The following GALNT2 variants were observed in gnomAD, a reference collection of about 807,000 sequenced individuals.
GALNT2 encodes the protein polypeptide N-acetylgalactosaminyltransferase 2.
GALNT2 carries 31 observed loss-of-function variants against 81.4 expected under a neutral mutation model. The ratio of observed to expected loss-of-function variants is 0.38; its 90% CI spans 0.29 to 0.51. The LOEUF (loss-of-function observed/expected upper bound fraction) is 0.51, where lower values mean the gene tolerates loss of function less well. Ranked by LOEUF, GALNT2 falls within the 20% of genes least tolerant of loss-of-function variation. The probability of loss-of-function intolerance (pLI) is 0.87; values close to 1 mark genes in which losing one functional copy is unlikely to be tolerated. For synonymous variants in GALNT2, 303 were observed against 287.4 expected (o/e 1.05, Z -0.55); for missense variants, 629 against 765.7 (o/e 0.82, Z 2.11).
At chr1:230,073,807 G>C in intron 1 of GALNT2, among the ~76,000 whole-genome samples, 1 of 152,204 alleles carries the variant, frequency 6.6e-6, no homozygotes, top group East Asian at 1.9e-4. Flanking sequence ...GCCCTTGCTG[G>C]CTGCTTGCCC....
At chr1:230,233,634 G>A (rs1664934916) in intron 3 of GALNT2, among the ~76,000 whole-genome samples, 1 of 152,082 alleles carries the variant, frequency 6.6e-6, no homozygotes, top group African/African-American at 2.4e-5. Context: ...AAAACCTACA[G>A]AATAATTTTT....
At chr1:230,173,153 A>G (rs1371012188) in intron 1 of GALNT2, among the ~76,000 whole-genome samples, 4 of 152,240 alleles carry the variant, frequency 2.6e-5, no homozygotes, top group Non-Finnish European at 5.9e-5. Context: ...GAAGACTTAG[A>G]GTTCTCTTTC....
intron 3 of GALNT2, among the ~76,000 whole-genome samples, chr1:230,206,881 G>A (rs901109913): frequency 6.6e-6 from 1 of 151,964 alleles, no homozygotes. Flanking sequence ...TGAAGATTAA[G>A]CAACATGTTT....
At chr1:230,128,205 T>G (rs970225866) in intron 1 of GALNT2, among the ~76,000 whole-genome samples, 21 of 152,060 alleles carry the variant, frequency 1.4e-4, no homozygotes, top group African/African-American at 5.1e-4. Context: ...AGCCTCTCTG[T>G]CACATCGCAC....
At chr1:230,059,804 T>A (rs150893985) in intron 1 of GALNT2, among the ~76,000 whole-genome samples, 1 of 152,230 alleles carries the variant, frequency 6.6e-6, no homozygotes, top group South Asian at 2.1e-4. Context: ...TCTCTCTCTA[T>A]ATTTTTCTTG....
chr1:230,240,977 AT>A (rs1161986777), intron 6 of GALNT2, among the ~76,000 whole-genome samples: 19 of 152,012 alleles, frequency 1.2e-4, no homozygotes, highest in Admixed American at 1.2e-3. Context: ...TGCCATCTCC[AT>A]TTTGCTACTA....
intron 2 of GALNT2, among the ~76,000 whole-genome samples, chr1:230,178,767 C>T (rs1663067667): frequency 1.3e-5 from 2 of 151,940 alleles, no homozygotes; most frequent in South Asian, 2.1e-4. Context: ...TGCATTGACA[C>T]GTCATCATCA....
At chr1:230,197,126 G>A (rs1218264463) in intron 2 of GALNT2, among the ~76,000 whole-genome samples, 1 of 151,982 alleles carries the variant, frequency 6.6e-6, no homozygotes, top group African/African-American at 2.4e-5. Flanking sequence ...ACCTGACATG[G>A]GACCTGTCTC....
At chr1:230,078,898 C>T (rs1321979558) in intron 1 of GALNT2, among the ~76,000 whole-genome samples, 1 of 152,254 alleles carries the variant, frequency 6.6e-6, no homozygotes, top group Non-Finnish European at 1.5e-5. Context: ...CAGCCTCAAA[C>T]TCCTGGGCTC....
intron 1 of GALNT2, among the ~76,000 whole-genome samples, chr1:230,147,762 G>T (rs1164208597): frequency 5.3e-5 from 8 of 152,200 alleles, no homozygotes; most frequent in Admixed American, 5.2e-4. Flanking sequence ...TCTTCCCGTT[G>T]AAGGAGAGCT....
chr1:230,087,649 C>CA (rs375829788), intron 1 of GALNT2, among the ~76,000 whole-genome samples: 3 of 152,202 alleles, frequency 2.0e-5, no homozygotes, highest in African/African-American at 7.2e-5. Flanking sequence ...GAATGACTCT[C>CA]ACGCAGTCAG....
chr1:230,076,833 C>A (rs537571339), intron 1 of GALNT2, among the ~76,000 whole-genome samples: 1 of 152,136 alleles, frequency 6.6e-6, no homozygotes, highest in South Asian at 2.1e-4. Flanking sequence ...ATTTACATGG[C>A]GGGAAAAAGA....
At chr1:230,071,414 T>C (rs1659369394) in intron 1 of GALNT2, among the ~76,000 whole-genome samples, 1 of 152,148 alleles carries the variant, frequency 6.6e-6, no homozygotes, top group Non-Finnish European at 1.5e-5. Context: ...CAGCTTGCCT[T>C]GGCGGTTAGG....
At chr1:230,080,252 G>A (rs983605131) in intron 1 of GALNT2, among the ~76,000 whole-genome samples, 4 of 152,166 alleles carry the variant, frequency 2.6e-5, no homozygotes, top group African/African-American at 9.7e-5. Context: ...GTTTGGAAGC[G>A]AAGCTCTCAT....
At chr1:230,117,112 C>T (rs1660870034) in intron 1 of GALNT2, among the ~76,000 whole-genome samples, 1 of 152,224 alleles carries the variant, frequency 6.6e-6, no homozygotes, top group Non-Finnish European at 1.5e-5. Flanking sequence ...TCACCTTGCA[C>T]GTTTATGGTA....
chr1:230,082,090 A>C (rs1659750790), intron 1 of GALNT2, among the ~76,000 whole-genome samples: 1 of 152,104 alleles, frequency 6.6e-6, no homozygotes, highest in Admixed American at 6.5e-5. Flanking sequence ...TCAGGTGTGA[A>C]TTTTTGGACT....
intron 14 of GALNT2, among the ~76,000 whole-genome samples, chr1:230,269,938 A>G (rs1666126918): frequency 6.6e-6 from 1 of 152,144 alleles, no homozygotes; most frequent in Non-Finnish European, 1.5e-5. Context: ...ACGGTGGCTC[A>G]CGCCTGTAAT....
chr1:230,274,997 A>G (rs1373955647), intron 15 of GALNT2, among the ~76,000 whole-genome samples: 13 of 151,884 alleles, frequency 8.6e-5, no homozygotes, highest in Non-Finnish European at 1.3e-4. Flanking sequence ...ATATATACAT[A>G]TATACATGCC....
At chr1:230,183,990 G>A (rs1663238958) in intron 2 of GALNT2, among the ~76,000 whole-genome samples, 1 of 151,798 alleles carries the variant, frequency 6.6e-6, no homozygotes, top group East Asian at 1.9e-4. Flanking sequence ...AAAAAAAAAG[G>A]AAAAGTTTTT....
Sources: gnomAD v4.1 joint callset for allele counts (sites outside exome capture counted in the v4.1 genomes callset) on GRCh38, gnomAD v4.1.1 for gene constraint, MANE v1.5 for transcripts, NCBI Gene and HGNC (gene_info 2026-07-23, HGNC 2026-07-21) for gene names.